The following CHD1 variants were observed in gnomAD, a reference collection of about 807,000 sequenced individuals.
CHD1 encodes chromodomain helicase DNA binding protein 1.
In CHD1, 36 loss-of-function variants were observed where a neutral mutation model predicts 224.2. The ratio of observed to expected loss-of-function variants is 0.16; its 90% confidence interval spans 0.12 to 0.21. The LOEUF is 0.21. CHD1 is among the 10% of genes least tolerant of loss of function. The pLI is 1.00. For missense variants in CHD1, 1,378 were observed against 1,994.8 expected (o/e 0.69, Z 5.89); for synonymous variants, 668 against 658.3 (o/e 1.01, Z -0.23).
chr5:98,881,270 T>TC lies in CHD1; in HGVS notation c.2964+8_2964+9insG. 1 of 1,424,962 alleles carries TC rather than the reference T, an allele frequency of 7.0e-7. No individual in the cohort carries two copies. The highest frequency in any genetic ancestry group is 9.3e-7 in the Non-Finnish European group (1 of 1,070,390). The allele number at this position is 1,424,962 out of a possible 1,614,324, so 88.3% of individuals were successfully genotyped here. ...GGCAGGCCTTTTTTTTTTTTTTTTT[T>TC]TTTTTTACCTGGGGCTCTTGTTCTT... On this transcript the variant is annotated intron_variant, in intron 21 of 35. Coordinates refer to ENST00000614616, the MANE Select transcript of CHD1 (RefSeq NM_001270.4).
intron 24 of CHD1, among the ~76,000 whole-genome samples, chr5:98,876,186 C>T (rs17166423): frequency 0.07 from 10,635 of 152,152 alleles, 406 homozygotes; most frequent in African/African-American, 0.1. Context: ...AGCAGTTTAG[C>T]GATAAATAAA....
chr5:98,870,486 T>C (rs1037815273), intron 29 of CHD1, among the ~76,000 whole-genome samples: 2 of 152,134 alleles, frequency 1.3e-5, no homozygotes, highest in African/African-American at 4.8e-5. Flanking sequence ...TTCTGAAAGC[T>C]ATGATTCATC....
intron 4 of CHD1, 73 bp downstream of exon 4, chr5:98,903,719 A>G (rs1482341685): frequency 1.2e-5 from 12 of 1,007,314 alleles, no homozygotes; most frequent in Non-Finnish European, 1.8e-5. Flanking sequence ...ATTTTTAATA[A>G]TTTCACAAAT....
intron 2 of CHD1, among the ~76,000 whole-genome samples, chr5:98,916,253 A>T (rs1336767872): frequency 1.3e-5 from 2 of 152,082 alleles, no homozygotes; most frequent in Non-Finnish European, 2.9e-5. Context: ...TTTGCTTTTT[A>T]AAAAAGGTTT....
chr5:98,878,545 T>C (rs1171872316), intron 23 of CHD1, among the ~76,000 whole-genome samples: 1 of 152,218 alleles, frequency 6.6e-6, no homozygotes, highest in Admixed American at 6.5e-5. Context: ...TTTTTCCTTT[T>C]TGGCAATATA....
intron 2 of CHD1, among the ~76,000 whole-genome samples, chr5:98,915,681 A>G (rs1175208608): frequency 6.6e-6 from 1 of 152,212 alleles, no homozygotes; most frequent in Non-Finnish European, 1.5e-5. Flanking sequence ...TTCAGGCAGA[A>G]GTCTAACACA....
chr5:98,902,302 G>C (rs1373056961), intron 5 of CHD1, among the ~76,000 whole-genome samples: 2 of 152,012 alleles, frequency 1.3e-5, no homozygotes. Context: ...AAAAATGCAT[G>C]AATCTTTTTT....
intron 30 of CHD1, chr5:98,869,240 A>G (rs1347516924): frequency 1.0e-6 from 1 of 984,426 alleles, no homozygotes; most frequent in Non-Finnish European, 1.2e-6. Flanking sequence ...TTCTGTTTTA[A>G]TTTTTTTATT....
intron 2 of CHD1, among the ~76,000 whole-genome samples, chr5:98,908,514 A>G (rs544936359): frequency 6.6e-6 from 1 of 152,162 alleles, no homozygotes; most frequent in Admixed American, 6.5e-5. Context: ...TGAAGAGTAC[A>G]ATGTTTCATG....
At chr5:98,904,705 C>T (rs1257614910) in intron 3 of CHD1, among the ~76,000 whole-genome samples, 192 bp downstream of exon 3, 2 of 152,080 alleles carry the variant, frequency 1.3e-5, no homozygotes, top group African/African-American at 2.4e-5. Flanking sequence ...TTTTCTAGTT[C>T]GAAAATGCAT....
At chr5:98,915,560 A>G (rs2112611560) in intron 2 of CHD1, among the ~76,000 whole-genome samples, 1 of 152,342 alleles carries the variant, frequency 6.6e-6, no homozygotes, top group African/African-American at 2.4e-5. Context: ...GTCACTGAAA[A>G]ATAGTTTCCT....
At chr5:98,887,056 T>C (rs879750706) in intron 17 of CHD1, among the ~76,000 whole-genome samples, 3 of 152,186 alleles carry the variant, frequency 2.0e-5, no homozygotes, top group Non-Finnish European at 4.4e-5. Flanking sequence ...GATGAAAATG[T>C]TCTAAAACCA....
chr5:98,875,095 C>T lies in CHD1; in HGVS notation c.3417G>A (p.Lys1139=). Residue 1139 remains lysine (K), a synonymous_variant, in exon 25 of 36, where the codon AAG becomes AAA. Coordinates refer to ENST00000614616, the MANE Select transcript of CHD1 (RefSeq NM_001270.4). ...AEIRRFIKSY[K]KFGGPLERLD... is the part of the protein sequence containing the mutation. ...ACCTTTCCAGAGGACCACCAAATTT[C>T]TTATAGCTCTTGATAAACCTAAGAG... 1 of 1,514,548 alleles carries T rather than the reference C, an allele frequency of 6.6e-7. No individual in the cohort carries two copies. The highest frequency in any genetic ancestry group is 1.2e-5 in the South Asian group (1 of 86,262). 93.8% of individuals were successfully genotyped at this position (1,514,548 alleles called of 1,614,324 possible). A position where few individuals can be genotyped will look rare whatever the true frequency, so the allele number is the denominator to read the frequency against.
chr5:98,858,510 C>T, intron 34 of CHD1, 120 bp from the exon 35 acceptor site: 4 of 716,192 alleles, frequency 5.6e-6, no homozygotes, highest in East Asian at 2.6e-5. Context: ...TTCCCAAATA[C>T]AAGCAGTTAA....
chr5:98,897,605 A>T (rs1751426022), intron 10 of CHD1, among the ~76,000 whole-genome samples: 1 of 152,192 alleles, frequency 6.6e-6, no homozygotes, highest in Non-Finnish European at 1.5e-5. Flanking sequence ...AGCAAAACCT[A>T]CGTTAAATTG....
chr5:98,863,960 A>C (rs978468227), intron 31 of CHD1, among the ~76,000 whole-genome samples: 1 of 152,192 alleles, frequency 6.6e-6, no homozygotes, highest in Admixed American at 6.5e-5. Context: ...ACTATCCACT[A>C]AATACAGGGT....
chr5:98,867,887 C>T (rs1474552685), intron 31 of CHD1, among the ~76,000 whole-genome samples: 1 of 149,044 alleles, frequency 6.7e-6, no homozygotes, highest in Non-Finnish European at 1.5e-5. Context: ...ACAGCAACCT[C>T]AGCCTTCCAG....
chr5:98,880,299 C>A (rs749935342), intron 22 of CHD1, among the ~76,000 whole-genome samples: 40 of 152,200 alleles, frequency 2.6e-4, no homozygotes, highest in Non-Finnish European at 4.4e-4. Flanking sequence ...GAAACCTTCA[C>A]CTCTTAACCA....
At chr5:98,889,806 T>C (rs987357589) in intron 15 of CHD1, 1 of 152,140 alleles carries the variant, frequency 6.6e-6, no homozygotes, top group South Asian at 2.1e-4. Context: ...AAGGATGACA[T>C]GCAAATCCAT....
Sources: allele counts gnomAD v4.1 joint callset (sites outside exome capture counted in the v4.1 genomes callset), GRCh38; gene constraint gnomAD v4.1.1; transcripts MANE v1.5; gene names NCBI Gene and HGNC (gene_info 2026-07-23, HGNC 2026-07-21).